The following TMEM117 variants were observed in gnomAD, a reference collection of about 807,000 sequenced individuals.
TMEM117 encodes the protein transmembrane protein 117.
A neutral mutation model predicts 52.4 loss-of-function variants in TMEM117; 27 were observed. The observed-to-expected ratio is 0.51, with a 90% CI of 0.38 to 0.71. The LOEUF (loss-of-function observed/expected upper bound fraction) is 0.71. Among genes scored for constraint, TMEM117 ranks in the 30% least tolerant of loss-of-function variants. The pLI is 0.00. For missense variants in TMEM117, 556 were observed against 630.5 expected, an observed-to-expected ratio of 0.88 and a Z score of 1.26; for synonymous variants, 215 against 206.3, an observed-to-expected ratio of 1.04 and a Z score of -0.36.
Position 44,207,060 on chromosome 12 carries a change from G to C in TMEM117, c.511-4230G>C, listed in dbSNP as rs142848739. Among the ~76,000 whole-genome samples the C allele has an allele frequency of 2.4e-3, 368 of 152,248 alleles. 12 individuals carry two copies. The East Asian group carries it at 0.037, about 15-fold the overall frequency. On this transcript the variant is annotated intron_variant, in intron 4 of 7. Transcript: ENST00000266534. ...TATGTGCTAATATTGAATGAAGTCA[G>C]TATATTGTTAAGTAGAAATAAATAA...
At chr12:43,795,957 T>C in the TMEM117 span, among the ~76,000 whole-genome samples, 1 of 152,214 alleles carries the variant, frequency 6.6e-6, no homozygotes, top group East Asian at 1.9e-4. Flanking sequence ...ATTCACTTCC[T>C]TCTTGGTTCT....
At chr12:44,207,629 A>G (rs542105388) in intron 4 of TMEM117, among the ~76,000 whole-genome samples, 17 of 152,248 alleles carry the variant, frequency 1.1e-4, no homozygotes, top group Non-Finnish European at 2.1e-4. Flanking sequence ...CTTTGACTCT[A>G]AATTCATTTG....
At chr12:44,325,575 A>G (rs938902618) in intron 6 of TMEM117, among the ~76,000 whole-genome samples, 2 of 151,482 alleles carry the variant, frequency 1.3e-5, no homozygotes, top group Non-Finnish European at 2.9e-5. Context: ...ACATAATTTT[A>G]TCTTAGGATG....
chr12:44,180,363 T>A (rs550913676), intron 4 of TMEM117, among the ~76,000 whole-genome samples: 86 of 152,128 alleles, frequency 5.7e-4, no homozygotes, highest in African/African-American at 1.6e-3. Context: ...TTTTTTTTTT[T>A]TTATTATACT....
At chr12:44,047,000 G>A (rs1592470980) in intron 3 of TMEM117, among the ~76,000 whole-genome samples, 1 of 152,232 alleles carries the variant, frequency 6.6e-6, no homozygotes, top group African/African-American at 2.4e-5. Context: ...AGTTGACACG[G>A]GGGTGAACTT....
intron 4 of TMEM117, among the ~76,000 whole-genome samples, chr12:44,162,188 C>T (rs1948907016): frequency 6.6e-6 from 1 of 152,168 alleles, no homozygotes; most frequent in Non-Finnish European, 1.5e-5. Context: ...ACTTTGGGCA[C>T]TGTATGTGGA....
At chr12:44,084,881 G>C (rs1423855715) in intron 3 of TMEM117, among the ~76,000 whole-genome samples, 1 of 152,198 alleles carries the variant, frequency 6.6e-6, no homozygotes, top group East Asian at 1.9e-4. Context: ...CTGAAATCCA[G>C]TTTCTGAAGA....
chr12:44,295,968 T>C (rs1197601809), intron 5 of TMEM117, among the ~76,000 whole-genome samples: 1 of 152,204 alleles, frequency 6.6e-6, no homozygotes, highest in African/African-American at 2.4e-5. Context: ...TCTTTACAGA[T>C]TGGCTTTGGC....
intron 5 of TMEM117, among the ~76,000 whole-genome samples, chr12:44,283,914 C>G (rs1194122540): frequency 6.6e-6 from 1 of 152,114 alleles, no homozygotes; most frequent in Non-Finnish European, 1.5e-5. Context: ...CTGGTCTTTC[C>G]TGTGCTACTC....
At chr12:44,158,292 G>T (rs527614319) in intron 4 of TMEM117, among the ~76,000 whole-genome samples, 57 of 152,220 alleles carry the variant, frequency 3.7e-4, no homozygotes, top group African/African-American at 1.3e-3. Flanking sequence ...GACAACAAAA[G>T]AATTCAATAG....
intron 3 of TMEM117, among the ~76,000 whole-genome samples, chr12:44,118,027 G>A (rs893993033): frequency 1.3e-5 from 2 of 150,870 alleles, no homozygotes; most frequent in Non-Finnish European, 3.0e-5. Context: ...TACACACCTT[G>A]ACTTCTTTAT....
At chr12:43,808,746 G>C in the TMEM117 span, among the ~76,000 whole-genome samples, 1 of 149,766 alleles carries the variant, frequency 6.7e-6, no homozygotes, top group Non-Finnish European at 1.5e-5. Context: ...GGAGGTAGAG[G>C]CTGCAATGAG....
chr12:44,221,477 A>C (rs1181553627), intron 5 of TMEM117, among the ~76,000 whole-genome samples: 1 of 152,106 alleles, frequency 6.6e-6, no homozygotes, highest in Non-Finnish European at 1.5e-5. Context: ...GGATAAATCA[A>C]ATGTGCAAAA....
chr12:44,170,576 T>G (rs1022230624), intron 4 of TMEM117, among the ~76,000 whole-genome samples: 2 of 152,220 alleles, frequency 1.3e-5, no homozygotes, highest in Admixed American at 6.5e-5. Context: ...TGGATGAACT[T>G]TTTTAAAGCC....
the TMEM117 span, among the ~76,000 whole-genome samples, chr12:43,813,446 T>C: frequency 6.6e-6 from 1 of 151,834 alleles, no homozygotes; most frequent in Non-Finnish European, 1.5e-5. Flanking sequence ...GGTTTCACCA[T>C]GTTGGTTAGG....
At chr12:44,103,399 C>T (rs1469898437) in intron 3 of TMEM117, among the ~76,000 whole-genome samples, 3 of 151,934 alleles carry the variant, frequency 2.0e-5, no homozygotes, top group African/African-American at 7.2e-5. Context: ...CCCTGCTGAA[C>T]TTTGAGGTAT....
At chr12:43,916,098 G>A (rs887145134) in intron 2 of TMEM117, among the ~76,000 whole-genome samples, 6 of 152,046 alleles carry the variant, frequency 3.9e-5, no homozygotes, top group Non-Finnish European at 8.8e-5. Context: ...GCCACATTTT[G>A]AGCCACCTTC....
intron 6 of TMEM117, among the ~76,000 whole-genome samples, chr12:44,357,663 A>G (rs1951669521): frequency 6.6e-6 from 1 of 152,154 alleles, no homozygotes; most frequent in African/African-American, 2.4e-5. Flanking sequence ...AAAAAGTAAA[A>G]AATTAACAGA....
Position 44,322,040 on chromosome 12 carries a change from C to A in TMEM117, c.768+22301C>A, listed in dbSNP as rs550114217. Reference sequence around the variant, plus strand: ...TTTCTAAACTGGAAAATTCTCTAGCCATAATGACCTGGGTAGGGATGGGAG... The same window carrying A: ...TTTCTAAACTGGAAAATTCTCTAGCAATAATGACCTGGGTAGGGATGGGAG... On this transcript the variant is annotated intron_variant, in intron 6 of 7. Coordinates refer to ENST00000266534, the MANE Select transcript of TMEM117 (RefSeq NM_032256.3). Among the ~76,000 whole-genome samples the A allele has an allele frequency of 1.0e-3, 158 of 152,180 alleles. 1 individual carries two copies. The highest frequency in any genetic ancestry group is 3.6e-3 in the African/African-American group (151 of 41,516).
Sources: allele counts gnomAD v4.1 joint callset (sites outside exome capture counted in the v4.1 genomes callset), GRCh38; gene constraint gnomAD v4.1.1; transcripts MANE v1.5; gene names NCBI Gene and HGNC (gene_info 2026-07-23, HGNC 2026-07-21).